Variants in TMEM212 observed in about 807,000 individuals in gnomAD.
TMEM212 encodes the protein transmembrane protein 212.
Under a neutral mutation model 20.5 loss-of-function variants are expected in TMEM212, and 23 were observed. The observed-to-expected ratio is 1.12, with a 90% CI of 0.81 to 1.59. TMEM212 has a LOEUF of 1.59. TMEM212 is among the 40% of genes most tolerant of loss of function. The pLI is 0.00. For missense variants in TMEM212, 211 were observed against 215.0 expected (o/e 0.98, Z 0.12); for synonymous variants, 76 against 81.6 (o/e 0.93, Z 0.37).
At chr3:171,851,190 C>A (rs543631604) in intron 1 of TMEM212, among the ~76,000 whole-genome samples, 2 of 152,194 alleles carry the variant, frequency 1.3e-5, no homozygotes, top group Non-Finnish European at 2.9e-5. Context: ...ATGATATATG[C>A]GGATTAAGAA....
chr3:171,848,560 C>CATAGAATAGAATAGGATAGA (rs1553852833), intron 1 of TMEM212, among the ~76,000 whole-genome samples: 510 of 44,326 alleles, frequency 0.012, 4 homozygotes, highest in African/African-American at 0.053. Context: ...ACAATAAATG[C>CATAGAATAGAATAGGATAGA]ATAGAATAGA....
chr3:171,849,752 C>T (rs1281069057), intron 1 of TMEM212, among the ~76,000 whole-genome samples: 2 of 152,164 alleles, frequency 1.3e-5, no homozygotes, highest in African/African-American at 4.8e-5. Context: ...GAACTACGTC[C>T]TCTACTTAGG....
chr3:171,853,945 T>G, intron 3 of TMEM212, 95 bp downstream of exon 3: 1 of 943,082 alleles, frequency 1.1e-6, no homozygotes. Context: ...CTCTGTTATT[T>G]ACCATTGTAT....
Position 171,851,971 on chromosome 3 carries a change from T to G in TMEM212, c.160-11T>G, listed in dbSNP as rs1483884663. 1.3e-6 allele frequency: 2 copies of G among 1,536,824 alleles called. No homozygotes were observed. The highest frequency in any genetic ancestry group is 1.7e-6 in the Non-Finnish European group (2 of 1,146,572). ...GTGGTGGATGTTTATTTTTCCATTT[T>G]CTTGTCACAGGCCATCACAACTGGT... On this transcript the variant is annotated splice_polypyrimidine_tract_variant and intron_variant, in intron 1 of 4. Coordinates refer to ENST00000334567, the MANE Select transcript of TMEM212 (RefSeq NM_001164436.2).
At chr3:171,851,560 C>T (rs997330264) in intron 1 of TMEM212, among the ~76,000 whole-genome samples, 4 of 152,194 alleles carry the variant, frequency 2.6e-5, no homozygotes, top group African/African-American at 4.8e-5. Context: ...AAGAGAAAGT[C>T]GCCTCAGGGT....
intron 1 of TMEM212, among the ~76,000 whole-genome samples, chr3:171,851,550 A>C (rs2108380772): frequency 1.3e-5 from 2 of 152,342 alleles, no homozygotes; most frequent in East Asian, 3.9e-4. Flanking sequence ...CAAATAGCAA[A>C]AGAGAAAGTC....
At chr3:171,846,929 C>A (rs1282564923) in intron 1 of TMEM212, among the ~76,000 whole-genome samples, 2 of 152,200 alleles carry the variant, frequency 1.3e-5, no homozygotes, top group African/African-American at 4.8e-5. Context: ...ACCATATTAA[C>A]ATTTCCTTTT....
chr3:171,853,993 G>A, intron 3 of TMEM212, 143 bp downstream of exon 3: 2 of 640,862 alleles, frequency 3.1e-6, no homozygotes, highest in South Asian at 2.1e-5. Flanking sequence ...GCACATAATA[G>A]GTACTGAATA....
chr3:171,847,431 G>A (rs1560325164), intron 1 of TMEM212, among the ~76,000 whole-genome samples: 1 of 152,236 alleles, frequency 6.6e-6, no homozygotes, highest in Admixed American at 6.5e-5. Flanking sequence ...GGTTAGAGAA[G>A]GGGCTTGATT....
At chr3:171,846,901 C>T (rs1724846400) in intron 1 of TMEM212, among the ~76,000 whole-genome samples, 1 of 152,194 alleles carries the variant, frequency 6.6e-6, no homozygotes, top group Admixed American at 6.5e-5. Flanking sequence ...CCTCCAGTGA[C>T]AAGATTTGTA....
intron 1 of TMEM212, 90 bp from the exon 2 acceptor site, chr3:171,851,892 T>A (rs1417465300): frequency 8.6e-7 from 1 of 1,166,520 alleles, no homozygotes; most frequent in African/African-American, 1.5e-5. Context: ...TTCAAGTTCA[T>A]GATAAAGTTG....
chr3:171,846,296 A>C (rs1724829176), intron 1 of TMEM212, among the ~76,000 whole-genome samples: 1 of 152,170 alleles, frequency 6.6e-6, no homozygotes, highest in African/African-American at 2.4e-5. Context: ...CTCCCATTAC[A>C]CTATTTAAAA....
At chr3:171,856,796 A>C in intron 4 of TMEM212, 89 bp downstream of exon 4, 1 of 495,690 alleles carries the variant, frequency 2.0e-6, no homozygotes, top group Non-Finnish European at 3.6e-6. Context: ...ATGTTTAAAC[A>C]AGCTTTATAT....
intron 2 of TMEM212, 129 bp from the exon 3 acceptor site, chr3:171,853,398 T>C (rs1276779201): frequency 4.1e-6 from 3 of 736,410 alleles, no homozygotes; most frequent in South Asian, 1.9e-5. Context: ...AGAGTCGTGA[T>C]TGATTTCTCC....
chr3:171,851,246 A>T (rs183196478), intron 1 of TMEM212, among the ~76,000 whole-genome samples: 38 of 152,330 alleles, frequency 2.5e-4, no homozygotes, highest in Non-Finnish European at 4.3e-4. Flanking sequence ...CCTCCATCAG[A>T]TCTGTTGCTG....
At chr3:171,852,493 G>A (rs572429358) in intron 2 of TMEM212, among the ~76,000 whole-genome samples, 26 of 152,236 alleles carry the variant, frequency 1.7e-4, no homozygotes, top group African/African-American at 5.5e-4. Flanking sequence ...TAGCTACTGC[G>A]CCCAGCCCTG....
chr3:171,848,858 C>T (rs1336542775), intron 1 of TMEM212, among the ~76,000 whole-genome samples: 2 of 150,086 alleles, frequency 1.3e-5, no homozygotes, highest in Non-Finnish European at 3.0e-5. Context: ...GACCAGGGTT[C>T]TACAGAGATG....
chr3:171,853,596 GA>G lies in TMEM212; in HGVS notation c.291del (p.Glu97AspfsTer37), dbSNP rs1669646557. ...GCPLHFAIAL[E>X]SALLGPYCFY... Reference sequence around the variant, plus strand: ...TCCACTTCATTTTGCAATAGCCTTGGAATCTGCTCTCCTGGGCCCATATTGC... The same window carrying G: ...TCCACTTCATTTTGCAATAGCCTTGGATCTGCTCTCCTGGGCCCATATTGC... On this transcript the variant is annotated frameshift_variant, in exon 3 of 5. Coordinates refer to ENST00000334567, the MANE Select transcript of TMEM212 (RefSeq NM_001164436.2). LOFTEE classifies it high-confidence loss of function. The G allele has an allele frequency of 6.5e-7, 1 of 1,537,062 alleles. No homozygotes were observed. Among genetic ancestry groups the G allele is most frequent in the African/African-American group, 1.4e-5 (1 of 73,022 alleles).
intron 2 of TMEM212, 32 bp from the exon 3 acceptor site, chr3:171,853,495 A>G (rs537176128): frequency 6.6e-7 from 1 of 1,513,396 alleles, no homozygotes; most frequent in East Asian, 2.5e-5. Flanking sequence ...TTTTGTTCCC[A>G]AAGTAACAAT....
Sources: gnomAD v4.1 joint callset for allele counts (sites outside exome capture counted in the v4.1 genomes callset) on GRCh38, gnomAD v4.1.1 for gene constraint, MANE v1.5 for transcripts, NCBI Gene and HGNC (gene_info 2026-07-23, HGNC 2026-07-21) for gene names.